The following ARHGAP42 variants were observed in gnomAD, a reference collection of about 807,000 sequenced individuals.
The protein encoded by ARHGAP42 is rho GTPase-activating protein 42.
ARHGAP42 carries 63 observed loss-of-function variants against 125.0 expected under a neutral mutation model. The ratio of observed to expected loss-of-function variants is 0.50; its 90% CI spans 0.41 to 0.62. ARHGAP42 has a LOEUF of 0.62. Ranked by LOEUF, ARHGAP42 falls within the 20% of genes least tolerant of loss-of-function variation. The pLI, the probability that ARHGAP42 is intolerant of heterozygous loss-of-function variation, is 0.00. For missense variants in ARHGAP42, 766 were observed against 1,024.2 expected (o/e 0.75, Z 3.44); for synonymous variants, 339 against 351.0 (o/e 0.97, Z 0.38).
chr11:100,825,870 C>T (rs773151128), intron 3 of ARHGAP42, among the ~76,000 whole-genome samples: 47 of 152,040 alleles, frequency 3.1e-4, no homozygotes, highest in Non-Finnish European at 6.0e-4. Context: ...TATTTATTTG[C>T]TTGGAAATGC....
intron 4 of ARHGAP42, among the ~76,000 whole-genome samples, chr11:100,879,657 C>T (rs1345917510): frequency 6.6e-6 from 1 of 152,140 alleles, no homozygotes; most frequent in Non-Finnish European, 1.5e-5. Flanking sequence ...CCTGCCATGC[C>T]TATACCCTGT....
chr11:100,871,322 G>T (rs1734836138), intron 4 of ARHGAP42, among the ~76,000 whole-genome samples: 2 of 151,854 alleles, frequency 1.3e-5, no homozygotes, highest in Admixed American at 6.6e-5. Context: ...CAGGCGGGTG[G>T]ATCACTTGAG....
rs543986251 is a variant in ARHGAP42, at chr11:100,873,728, A to G, written c.384+14103A>G. ...ACAACAAATCCATGAGGTAGGGCCT[A>G]TTATTTTCAGCCTCTTTTTACTAAT... On this transcript the variant is annotated intron_variant, in intron 4 of 23. Transcript: ENST00000298815. Among the ~76,000 whole-genome samples, 157 of 152,314 alleles carry G rather than the reference A, an allele frequency of 1.0e-3. 1 individual carries two copies. Among genetic ancestry groups the G allele is most frequent in the Non-Finnish European group, 1.5e-3 (101 of 68,022 alleles).
intron 2 of ARHGAP42, among the ~76,000 whole-genome samples, chr11:100,791,733 C>G (rs1863572882): frequency 6.6e-6 from 1 of 151,154 alleles, no homozygotes; most frequent in Middle Eastern, 3.2e-3. Flanking sequence ...TGGGGCCAGT[C>G]TCAGAAAACT....
chr11:100,964,517 G>T (rs184743464), intron 16 of ARHGAP42, among the ~76,000 whole-genome samples: 1 of 152,076 alleles, frequency 6.6e-6, no homozygotes, highest in Non-Finnish European at 1.5e-5. Flanking sequence ...AAATAACTGC[G>T]CCCAGATGAA....
chr11:100,687,599 G>T lies in ARHGAP42; in HGVS notation c.-80G>T, dbSNP rs1487393657. 3.0e-5 allele frequency: 34 copies of T among 1,134,662 alleles called. No homozygotes were observed. Among genetic ancestry groups the T allele is most frequent in the Non-Finnish European group, 3.4e-5 (31 of 913,024 alleles). 70.3% of individuals were successfully genotyped at this position (1,134,662 alleles called of 1,614,324 possible). ...TTCCCCGCGATCGCGCGACCCCAGCGCCCGCCGCGGCCGCCGGCTGCCCCC... is the reference window on the plus strand; with the variant it reads ...TTCCCCGCGATCGCGCGACCCCAGCTCCCGCCGCGGCCGCCGGCTGCCCCC... On this transcript the variant is annotated 5_prime_UTR_variant, in exon 1 of 24. Transcript: ENST00000298815.
At chr11:100,929,066 C>T (rs1200992336) in intron 6 of ARHGAP42, among the ~76,000 whole-genome samples, 3 of 152,090 alleles carry the variant, frequency 2.0e-5, no homozygotes, top group African/African-American at 7.2e-5. Flanking sequence ...AACCAGCGGT[C>T]CCCAACCTTT....
intron 1 of ARHGAP42, among the ~76,000 whole-genome samples, chr11:100,741,926 T>C (rs1862195887): frequency 1.3e-5 from 2 of 152,198 alleles, no homozygotes. Context: ...GGTTGTCTGC[T>C]TTAACCTGAG....
Position 100,858,380 on chromosome 11 carries a change from T to C in ARHGAP42, c.313-1174T>C, listed in dbSNP as rs969819435. Among the ~76,000 whole-genome samples the C allele has an allele frequency of 2.0e-5, 3 of 152,174 alleles. No homozygotes were observed. The East Asian group carries it at 5.8e-4, about 29-fold the overall frequency. ...ATGCTTTCACAGCATAGGATTTTGG[T>C]CTTCTTTTCAAGATCTGTCATTCTC... On this transcript the variant is annotated intron_variant, in intron 3 of 23. Coordinates refer to ENST00000298815, the MANE Select transcript of ARHGAP42 (RefSeq NM_152432.4).
At chr11:100,943,942 T>A in intron 10 of ARHGAP42, 74 bp downstream of exon 10, 1 of 956,178 alleles carries the variant, frequency 1.0e-6, no homozygotes, top group South Asian at 1.8e-5. Context: ...AATATAAACA[T>A]GAAACAGCAT....
chr11:100,748,406 G>T (rs1046609004), intron 1 of ARHGAP42, among the ~76,000 whole-genome samples: 2 of 152,182 alleles, frequency 1.3e-5, no homozygotes, highest in Admixed American at 6.5e-5. Context: ...TTCCTCGTAG[G>T]TCTGGTTGGA....
chr11:100,730,265 A>T (rs1346296478), intron 1 of ARHGAP42, among the ~76,000 whole-genome samples: 2 of 152,130 alleles, frequency 1.3e-5, no homozygotes, highest in African/African-American at 4.8e-5. Context: ...GAAAAGTTCA[A>T]ACTGCATCAT....
chr11:100,992,040 G>C lies in ARHGAP42; in HGVS notation c.*3239G>C, dbSNP rs1591346975. ...TTCTCACTATCATCCAGTGTACCCT[G>C]CTCACCTTCTCACTCCTAGCACCGT... On this transcript the variant is annotated 3_prime_UTR_variant, in exon 24 of 24. Transcript: ENST00000298815. 2.4e-6 allele frequency: 1 copy of C among 408,348 alleles called. No homozygotes were observed. The highest frequency in any genetic ancestry group is 4.0e-5 in the East Asian group (1 of 25,264). 25.3% of individuals were successfully genotyped at this position (408,348 alleles called of 1,614,324 possible). A position where few individuals can be genotyped will look rare whatever the true frequency, so the allele number is the denominator to read the frequency against.
Position 100,961,716 on chromosome 11 carries a change from A to C in ARHGAP42, c.1333A>C (p.Ile445Leu), listed in dbSNP as rs1284109157. 12 of 1,551,742 alleles carry C rather than the reference A, an allele frequency of 7.7e-6. 1 individual carries two copies. The East Asian group carries it at 2.9e-4, about 38-fold the overall frequency. ...ATCCCCTCCTGATATTGATATTGAT[A>C]TTGAACTGTGGGACAATAAGACGAT... is the stretch of plus-strand genomic sequence containing the variant. ...PKSPPDIDID[I>L]ELWDNKTITS... The change falls in exon 15 of 24, where the codon ATT becomes CTT. Residue 445 changes from isoleucine (I) to leucine (L), a missense_variant. Physicochemically the swap from Ile to Leu is conservative, Grantham distance 5. This residue lies in a region of ARHGAP42 where 455 missense variants were observed against 636.5 expected (regional missense o/e 0.71). Transcript: ENST00000298815.
rs752416715 is a variant in ARHGAP42, at chr11:100,976,303, G to T, written c.2102G>T (p.Cys701Phe). 1.9e-6 allele frequency: 3 copies of T among 1,551,652 alleles called. No individual in the cohort carries two copies. The highest frequency in any genetic ancestry group is 1.4e-5 in the African/African-American group (1 of 73,016). The change falls in exon 20 of 24, where the codon TGC (cysteine) becomes TTC (phenylalanine). Residue 701 changes from cysteine (C) to phenylalanine (F), a missense_variant. Coordinates refer to ENST00000298815, the MANE Select transcript of ARHGAP42 (RefSeq NM_152432.4). ...DATKTDAESD[C>F]QSVASVTSPG... is the part of the protein sequence containing the mutation. Reference sequence around the variant, plus strand: ...ACCAAGACAGATGCAGAATCAGACTGCCAGAGTGTTGCTTCAGTCACTAGC... The same window carrying T: ...ACCAAGACAGATGCAGAATCAGACTTCCAGAGTGTTGCTTCAGTCACTAGC...
intron 3 of ARHGAP42, among the ~76,000 whole-genome samples, chr11:100,846,923 T>G (rs1865081221): frequency 6.6e-6 from 1 of 152,112 alleles, no homozygotes. Flanking sequence ...CATGGTGGCA[T>G]GCCAGACCCC....
chr11:100,984,171 C>T (rs1396856027), intron 22 of ARHGAP42, among the ~76,000 whole-genome samples: 1 of 150,448 alleles, frequency 6.6e-6, no homozygotes, highest in African/African-American at 2.4e-5. Flanking sequence ...GCCAAAGGAA[C>T]AAATGCAGTG....
intron 21 of ARHGAP42, among the ~76,000 whole-genome samples, chr11:100,978,741 A>G (rs1858455955): frequency 6.6e-6 from 1 of 152,184 alleles, no homozygotes; most frequent in Non-Finnish European, 1.5e-5. Flanking sequence ...GATAAAAAGG[A>G]TGAGGATAGT....
intron 4 of ARHGAP42, among the ~76,000 whole-genome samples, chr11:100,878,006 GA>G (rs35482152): frequency 0.19 from 12,557 of 64,644 alleles, 514 homozygotes; most frequent in African/African-American, 0.23. Context: ...CTCTGTCCCA[GA>G]AAAAAAAAAA....
Sources: gnomAD v4.1 joint callset for allele counts (sites outside exome capture counted in the v4.1 genomes callset) on GRCh38, gnomAD v4.1.1 for gene constraint, gnomAD v4.1.1 regional missense constraint, MANE v1.5 for transcripts, NCBI Gene and HGNC (gene_info 2026-07-23, HGNC 2026-07-21) for gene names.